The following VPS13D variants were observed in gnomAD, a reference collection of about 807,000 sequenced individuals.
VPS13D encodes the protein vacuolar protein sorting 13 homolog D.
A neutral mutation model predicts 461.9 loss-of-function variants in VPS13D; 187 were observed. The ratio of observed to expected loss-of-function variants is 0.40; its 90% CI spans 0.36 to 0.46. The LOEUF is 0.46. Among genes scored for constraint, VPS13D ranks in the 20% least tolerant of loss-of-function variants. The pLI is 0.60. For synonymous variants in VPS13D, 1,951 were observed against 1,986.3 expected (o/e 0.98, Z 0.47); for missense variants, 4,711 against 5,364.9 (o/e 0.88, Z 3.81).
chr1:12,460,264 G>T lies in VPS13D; in HGVS notation c.12530G>T (p.Gly4177Val). Reference protein sequence around the residue: ...STVEGVKTEGGVSGFISGLGK... With the variant: ...STVEGVKTEGVVSGFISGLGK... ...GTGGAAGGTGTGAAAACAGAAGGGG[G>T]TGTCAGCGGTTTCATATCTGGCCTT... Residue 4177 changes from glycine to valine, a missense_variant, in exon 67 of 70, where the codon GGT becomes GTT. By Grantham distance (109) the Gly-to-Val change is moderately radical. Transcript: ENST00000620676. The T allele has an allele frequency of 6.2e-7, 1 of 1,612,038 alleles. No individual in the cohort carries two copies. Among genetic ancestry groups the T allele is most frequent in the Non-Finnish European group, 8.5e-7 (1 of 1,179,016 alleles).
At chr1:12,422,705 C>T (rs1644878462) in intron 65 of VPS13D, among the ~76,000 whole-genome samples, 1 of 152,076 alleles carries the variant, frequency 6.6e-6, no homozygotes, top group Non-Finnish European at 1.5e-5. Context: ...TGGTGAGAGA[C>T]CCTTTATATA....
intron 12 of VPS13D, among the ~76,000 whole-genome samples, chr1:12,261,501 C>A (rs369485946): frequency 2.6e-5 from 4 of 152,192 alleles, no homozygotes; most frequent in African/African-American, 9.7e-5. Context: ...AAATTTAATT[C>A]GAATTGAATA....
chr1:12,320,810 A>G (rs372384398), intron 32 of VPS13D, among the ~76,000 whole-genome samples: 1 of 152,238 alleles, frequency 6.6e-6, no homozygotes, highest in African/African-American at 2.4e-5. Context: ...GGACAACTAC[A>G]TGGCAAAATA....
At chr1:12,281,976 C>T (rs1266780056) in intron 20 of VPS13D, among the ~76,000 whole-genome samples, 1 of 151,920 alleles carries the variant, frequency 6.6e-6, no homozygotes, top group Non-Finnish European at 1.5e-5. Flanking sequence ...TGTCCTGCAC[C>T]TCCTGGGCTC....
At chr1:12,342,829 G>T in intron 41 of VPS13D, 70 bp from the exon 42 acceptor site, 2 of 1,516,320 alleles carry the variant, frequency 1.3e-6, no homozygotes, top group Non-Finnish European at 1.8e-6. Flanking sequence ...CTGCTCTTCT[G>T]CACGGGGCTC....
At chr1:12,362,943 A>G (rs912509174) in intron 51 of VPS13D, 93 bp downstream of exon 51, 1 of 1,591,208 alleles carries the variant, frequency 6.3e-7, no homozygotes, top group African/African-American at 1.3e-5. Context: ...CTGTGATGCA[A>G]GTAACTGCTC....
rs930793593 is a variant in VPS13D at position 12,363,116 on chromosome 1, C to T, written c.10317C>T (p.Ser3439=). The T allele has an allele frequency of 5.0e-6, 8 of 1,614,192 alleles. No individual in the cohort carries two copies. Among genetic ancestry groups the T allele is most frequent in the East Asian group, 2.2e-5 (1 of 44,886 alleles). The part of the protein sequence containing the change: ...PEGYISTLPG[S]SVVFHWPRND... ...GTTACATTTCCACCCTTCCTGGTTC[C>T]AGTGTGGTGTTCCACTGGCCTCGGA... is the stretch of plus-strand genomic sequence containing the variant. The change falls in exon 52 of 70, where the codon TCC becomes TCT. Residue 3439 remains serine (S), a synonymous_variant. Coordinates refer to ENST00000620676, the MANE Select transcript of VPS13D (RefSeq NM_015378.4).
intron 67 of VPS13D, among the ~76,000 whole-genome samples, chr1:12,491,996 G>A (rs529204097): frequency 6.6e-6 from 1 of 152,244 alleles, no homozygotes; most frequent in Non-Finnish European, 1.5e-5. Context: ...TAGGTTGAGT[G>A]TTGGTTCATA....
At chr1:12,333,026 C>G (rs1287428190) in intron 37 of VPS13D, among the ~76,000 whole-genome samples, 200 bp from the exon 38 acceptor site, 2 of 152,150 alleles carry the variant, frequency 1.3e-5, no homozygotes, top group Non-Finnish European at 1.5e-5. Flanking sequence ...ATATGCCTTT[C>G]CACTTGTGTC....
intron 35 of VPS13D, among the ~76,000 whole-genome samples, chr1:12,325,129 G>A (rs889788526): frequency 1.3e-5 from 2 of 152,022 alleles, no homozygotes; most frequent in Non-Finnish European, 1.5e-5. Context: ...TGTTGCCCAG[G>A]CTGGAATGCA....
At chr1:12,454,557 C>T (rs1036424116) in intron 65 of VPS13D, among the ~76,000 whole-genome samples, 4 of 152,240 alleles carry the variant, frequency 2.6e-5, no homozygotes, top group Admixed American at 2.6e-4. Flanking sequence ...CCCATAGCTT[C>T]TTCCAGGAAC....
At chr1:12,345,338 T>G (rs1292613633) in intron 42 of VPS13D, 36 bp from the exon 43 acceptor site, 1 of 1,585,362 alleles carries the variant, frequency 6.3e-7, no homozygotes, top group Non-Finnish European at 8.6e-7. Context: ...TTCTGGAGAT[T>G]GTGCCTAATA....
At chr1:12,372,899 T>G (rs1338092843) in intron 54 of VPS13D, among the ~76,000 whole-genome samples, 1 of 150,094 alleles carries the variant, frequency 6.7e-6, no homozygotes, top group East Asian at 2.0e-4. Flanking sequence ...GGCTGCAACA[T>G]TCCATAAAGC....
rs369832557 is a variant in VPS13D at position 12,403,978 on chromosome 1, G to A, written c.12030+5G>A. ...AAGCTCCCATTGGATCTTAAGGTGA[G>A]CTGCTATTTGGGTAAATTTTTTTAG... On this transcript the variant is annotated splice_donor_5th_base_variant and intron_variant, in intron 63 of 69. Transcript: ENST00000620676. The A allele has an allele frequency of 2.5e-5, 40 of 1,574,278 alleles. No homozygotes were observed. The highest frequency in any genetic ancestry group is 3.3e-5 in the Non-Finnish European group (38 of 1,166,104).
intron 19 of VPS13D, 36 bp downstream of exon 19, chr1:12,278,074 A>G (rs747961960): frequency 1.3e-6 from 2 of 1,556,200 alleles, no homozygotes; most frequent in Non-Finnish European, 1.7e-6. Context: ...ATTTTGTTTA[A>G]TGATTGAAAA....
chr1:12,302,535 A>G (rs1642452783), intron 25 of VPS13D, among the ~76,000 whole-genome samples: 1 of 152,210 alleles, frequency 6.6e-6, no homozygotes, highest in Non-Finnish European at 1.5e-5. Flanking sequence ...TAGTGTTTTA[A>G]TGAAAAAAAT....
At chr1:12,457,330 C>T (rs943315867) in intron 66 of VPS13D, among the ~76,000 whole-genome samples, 1 of 152,188 alleles carries the variant, frequency 6.6e-6, no homozygotes, top group Non-Finnish European at 1.5e-5. Flanking sequence ...CAAAATCCTA[C>T]TCAGCCTGTA....
At chr1:12,330,213 C>T (rs944832965) in intron 37 of VPS13D, among the ~76,000 whole-genome samples, 14 of 152,022 alleles carry the variant, frequency 9.2e-5, no homozygotes, top group African/African-American at 2.9e-4. Context: ...GTCAGGAGTT[C>T]GAGACCAGCC....
intron 51 of VPS13D, 43 bp from the exon 52 acceptor site, chr1:12,363,029 G>A (rs765285952): frequency 6.2e-7 from 1 of 1,606,558 alleles, no homozygotes; most frequent in South Asian, 1.1e-5. Context: ...TTATTGTCAT[G>A]AATCGACTTG....
Sources: gnomAD v4.1 joint callset for allele counts (sites outside exome capture counted in the v4.1 genomes callset) on GRCh38, gnomAD v4.1.1 for gene constraint, MANE v1.5 for transcripts, NCBI Gene and HGNC (gene_info 2026-07-23, HGNC 2026-07-21) for gene names.